Variants in PCLO observed in about 807,000 individuals in gnomAD.
PCLO encodes piccolo presynaptic cytomatrix protein.
A neutral mutation model predicts 427.5 loss-of-function variants in PCLO; 82 were observed. That is an observed-to-expected ratio of 0.19 (90% CI 0.16 to 0.23). The LOEUF (loss-of-function observed/expected upper bound fraction) is 0.23, where lower values mean the gene tolerates loss of function less well. Ranked by LOEUF, PCLO falls within the 10% of genes least tolerant of loss-of-function variation. The probability of loss-of-function intolerance (pLI) is 1.00; values close to 1 mark genes in which losing one functional copy is unlikely to be tolerated. For synonymous variants in PCLO, 2,357 were observed against 2,155.4 expected, an observed-to-expected ratio of 1.09 and a Z score of -2.59; for missense variants, 6,239 against 6,115.9, an observed-to-expected ratio of 1.02 and a Z score of -0.67.
Position 82,951,066 on chromosome 7 carries a change from A to T in PCLO, c.9522T>A (p.Thr3174=), listed in dbSNP as rs749600882. 6.2e-7 allele frequency: 1 copy of T among 1,613,944 alleles called. No individual in the cohort carries two copies. ...SLQTITMESL[T]AETIDSVPTL... ...TGGGAACAGAGTCTATCGTCTCAGCAGTAAGAGACTCCATAGTAATAGTTT... is the reference window on the plus strand; with the variant it reads ...TGGGAACAGAGTCTATCGTCTCAGCTGTAAGAGACTCCATAGTAATAGTTT... The change falls in exon 6 of 25, where the codon ACT becomes ACA. Residue 3174 remains threonine (T), a synonymous_variant. Coordinates refer to ENST00000333891, the MANE Select transcript of PCLO (RefSeq NM_033026.6).
intron 3 of PCLO, among the ~76,000 whole-genome samples, chr7:83,069,710 A>C (rs1177226556): frequency 1.3e-5 from 2 of 151,912 alleles, no homozygotes; most frequent in Non-Finnish European, 1.5e-5. Flanking sequence ...ATATATAAAT[A>C]CACATGATCA....
chr7:82,790,351 A>G (rs894813242), intron 22 of PCLO, among the ~76,000 whole-genome samples: 1 of 152,142 alleles, frequency 6.6e-6, no homozygotes, highest in East Asian at 1.9e-4. Flanking sequence ...CCTATCTTGC[A>G]CTACTCCCTC....
intron 3 of PCLO, among the ~76,000 whole-genome samples, chr7:82,985,406 CACCTGGAGTGCA>C (rs933989130): frequency 2.6e-5 from 4 of 152,026 alleles, no homozygotes; most frequent in African/African-American, 7.2e-5. Context: ...CTGTGACAGG[CACCTGGAGTGCA>C]GTTATTCCAT....
chr7:82,978,619 GA>G (rs66494071), intron 3 of PCLO, among the ~76,000 whole-genome samples: 4,256 of 152,028 alleles, frequency 0.028, 208 homozygotes, highest in African/African-American at 0.098. Flanking sequence ...TTATATGCAT[GA>G]ATATACAACA....
intron 22 of PCLO, among the ~76,000 whole-genome samples, chr7:82,788,369 T>C (rs1204306134): frequency 6.6e-6 from 1 of 151,122 alleles, no homozygotes; most frequent in Admixed American, 6.6e-5. Flanking sequence ...AAAACCAAAA[T>C]AATAACTCAG....
In PCLO at chr7:83,134,710, G is replaced by A. The variant is rs1791670712; in HGVS notation, c.2840C>T (p.Ser947Phe). 6.2e-7 allele frequency: 1 copy of A among 1,613,762 alleles called. No individual in the cohort carries two copies. The highest frequency in any genetic ancestry group is 8.5e-7 in the Non-Finnish European group (1 of 1,179,794). ...ATGAGGTCCAGGTTGGCCTGCAGTG[G>A]AAATTAAATTTGATGCCTGGCTGAA... is the stretch of plus-strand genomic sequence containing the variant. ...SIFSQASNLI[S>F]TAGQPGPHSQ... The change falls in exon 3 of 25, where the codon TCC (serine) becomes TTC (phenylalanine). Residue 947 changes from serine to phenylalanine, a missense_variant. Ser to Phe is a radical substitution (Grantham distance 155). Transcript: ENST00000333891.
intron 3 of PCLO, among the ~76,000 whole-genome samples, chr7:83,122,376 C>T (rs1362159622): frequency 6.6e-6 from 1 of 151,154 alleles, no homozygotes; most frequent in Non-Finnish European, 1.5e-5. Flanking sequence ...ACCTCTGACT[C>T]CCAGGTTCAA....
intron 2 of PCLO, among the ~76,000 whole-genome samples, chr7:83,153,287 A>G (rs1792184250): frequency 6.6e-6 from 1 of 151,642 alleles, no homozygotes; most frequent in Non-Finnish European, 1.5e-5. Flanking sequence ...CAAATGCAGC[A>G]TATTCTTATT....
chr7:82,761,307 C>A, intron 23 of PCLO, 52 bp downstream of exon 23: 1 of 1,067,176 alleles, frequency 9.4e-7, no homozygotes, highest in Non-Finnish European at 1.3e-6. Flanking sequence ...ATATGTAAGA[C>A]ACATCCCTAA....
At chr7:83,078,402 C>T (rs1790009303) in intron 3 of PCLO, among the ~76,000 whole-genome samples, 1 of 151,986 alleles carries the variant, frequency 6.6e-6, no homozygotes, top group African/African-American at 2.4e-5. Context: ...TGTGAAGATG[C>T]ACCCTAAAAA....
At chr7:82,829,886 G>A (rs1792049212) in intron 16 of PCLO, among the ~76,000 whole-genome samples, 1 of 151,834 alleles carries the variant, frequency 6.6e-6, no homozygotes, top group African/African-American at 2.4e-5. Context: ...ATAGTAAGTG[G>A]CACTGAAAAT....
chr7:82,914,527 CAT>C (rs538274144), intron 7 of PCLO, 157 bp downstream of exon 7: 198 of 725,142 alleles, frequency 2.7e-4, no homozygotes, highest in Non-Finnish European at 4.5e-4. Context: ...AATCTATACA[CAT>C]GATAAAATTT....
At chr7:82,899,584 G>C (rs185435461) in intron 9 of PCLO, among the ~76,000 whole-genome samples, 201 of 151,332 alleles carry the variant, frequency 1.3e-3, no homozygotes, top group African/African-American at 4.5e-3. Flanking sequence ...TATTATTTTA[G>C]GTAGATACCA....
intron 3 of PCLO, among the ~76,000 whole-genome samples, chr7:83,113,538 T>C (rs1791057885): frequency 6.6e-6 from 1 of 152,198 alleles, no homozygotes; most frequent in South Asian, 2.1e-4. Flanking sequence ...GGTTAAAATA[T>C]TTACAGCTAA....
intron 4 of PCLO, among the ~76,000 whole-genome samples, chr7:82,964,235 G>A (rs983172463): frequency 6.6e-6 from 1 of 152,116 alleles, no homozygotes; most frequent in African/African-American, 2.4e-5. Flanking sequence ...ACAAAGGACA[G>A]GTAAGAAGAG....
Position 82,965,849 on chromosome 7 carries a change from T to C in PCLO, c.3939A>G (p.Thr1313=), listed in dbSNP as rs780431392. Residue 1313 remains threonine, a synonymous_variant, in exon 4 of 25, where the codon ACA becomes ACG. Transcript: ENST00000333891. ...GTGGCTGTTCTTTTATTGTTTTGGT[T>C]GTCTTATCATCTTCTTTAGGTAAAC... is the stretch of plus-strand genomic sequence containing the variant. ...PQSLPKEDDK[T]TKTIKEQPQP... is the part of the protein sequence containing the mutation. 1 of 1,613,968 alleles carries C rather than the reference T, an allele frequency of 6.2e-7. No individual in the cohort carries two copies. Among genetic ancestry groups the C allele is most frequent in the African/African-American group, 1.3e-5 (1 of 75,058 alleles).
chr7:82,927,721 T>C (rs1794745186), intron 6 of PCLO, among the ~76,000 whole-genome samples: 1 of 152,216 alleles, frequency 6.6e-6, no homozygotes, highest in Non-Finnish European at 1.5e-5. Context: ...ATTCTTGCAC[T>C]GTATCTTTAT....
chr7:82,795,862 C>T (rs1791212636), intron 22 of PCLO, among the ~76,000 whole-genome samples: 1 of 152,090 alleles, frequency 6.6e-6, no homozygotes, highest in South Asian at 2.1e-4. Flanking sequence ...GGCTTATATT[C>T]GTTGTGTTAT....
chr7:83,054,863 G>C (rs979850882), intron 3 of PCLO, among the ~76,000 whole-genome samples: 1 of 151,966 alleles, frequency 6.6e-6, no homozygotes, highest in Non-Finnish European at 1.5e-5. Context: ...AGTTCAAATG[G>C]AATTTAAATA....
Sources: allele counts gnomAD v4.1 joint callset (sites outside exome capture counted in the v4.1 genomes callset), GRCh38; gene constraint gnomAD v4.1.1; transcripts MANE v1.5; gene names NCBI Gene and HGNC (gene_info 2026-07-23, HGNC 2026-07-21).